Variants in LANCL1 observed in about 807,000 individuals in gnomAD.
LANCL1 encodes the protein glutathione S-transferase LANCL1.
Under a neutral mutation model 50.6 loss-of-function variants are expected in LANCL1, and 50 were observed. The observed-to-expected ratio is 0.99, with a 90% CI of 0.79 to 1.25. The LOEUF (loss-of-function observed/expected upper bound fraction) is 1.25, where lower values mean the gene tolerates loss of function less well. Ranked by LOEUF, LANCL1 falls within the 50% of genes most tolerant of loss-of-function variation. The probability of loss-of-function intolerance (pLI) is 0.00; values close to 1 mark genes in which losing one functional copy is unlikely to be tolerated. For synonymous variants in LANCL1, 188 were observed against 178.6 expected (o/e 1.05, Z -0.42); for missense variants, 532 against 480.7 (o/e 1.11, Z -1.00).
rs1692760273 is a variant in LANCL1, at chr2:210,431,985, C to G, written c.*2502G>C. On this transcript the variant is annotated 3_prime_UTR_variant, in exon 10 of 10. Coordinates refer to ENST00000450366, the MANE Select transcript of LANCL1 (RefSeq NM_006055.3). ...ACCTTTGAAGGTTTTATTACCTAGT[C>G]CCTGTATAGAGATAAGAGATGATGG... 6.6e-6 allele frequency: 1 copy of G among 152,108 alleles called. No individual in the cohort carries two copies. The highest frequency in any genetic ancestry group is 6.6e-5 in the Admixed American group (1 of 15,248). The allele number at this position is 152,108 out of a possible 1,614,324, so 9.4% of individuals were successfully genotyped here. A position where few individuals can be genotyped will look rare whatever the true frequency, so the allele number is the denominator to read the frequency against.
At chr2:210,455,075 A>C in intron 4 of LANCL1, 32 bp downstream of exon 4, 1 of 1,554,832 alleles carries the variant, frequency 6.4e-7, no homozygotes, top group Non-Finnish European at 8.9e-7. Flanking sequence ...TAATGATGCT[A>C]GAAAATAATC....
At chr2:210,435,570 A>T in intron 8 of LANCL1, 111 bp from the exon 9 acceptor site, 4 of 790,566 alleles carry the variant, frequency 5.1e-6, no homozygotes, top group Non-Finnish European at 8.9e-6. Context: ...CTACCTTCAC[A>T]TCAGAGAAAG....
chr2:210,434,921 G>A (rs1432648434), intron 9 of LANCL1, among the ~76,000 whole-genome samples: 6 of 151,932 alleles, frequency 3.9e-5, no homozygotes, highest in African/African-American at 7.3e-5. Flanking sequence ...AATGAAGTGT[G>A]AATCTATCTA....
chr2:210,434,746 C>G (rs1044567267), intron 9 of LANCL1, among the ~76,000 whole-genome samples, 183 bp from the exon 10 acceptor site: 1 of 152,036 alleles, frequency 6.6e-6, no homozygotes, highest in Non-Finnish European at 1.5e-5. Flanking sequence ...GGATCAAGGC[C>G]GCACTGGAGG....
At chr2:210,454,140 T>C (rs1488279706) in intron 4 of LANCL1, among the ~76,000 whole-genome samples, 2 of 151,924 alleles carry the variant, frequency 1.3e-5, no homozygotes, top group Non-Finnish European at 2.9e-5. Context: ...TGTTACACTT[T>C]CCAGTGGAAA....
chr2:210,472,219 T>C (rs1005339260), intron 2 of LANCL1, 143 bp from the exon 3 acceptor site: 3 of 589,112 alleles, frequency 5.1e-6, no homozygotes, highest in African/African-American at 1.9e-5. Flanking sequence ...TATTTTCTAT[T>C]CTTAAACAAC....
At chr2:210,454,973 A>G in intron 4 of LANCL1, 134 bp downstream of exon 4, 1 of 693,588 alleles carries the variant, frequency 1.4e-6, no homozygotes, top group South Asian at 1.9e-5. Flanking sequence ...GGAATATGAC[A>G]ATTGATCAAA....
At position 210,455,125 on chromosome 2, in the gene LANCL1, G is replaced by T. The variant is rs762815697; in HGVS notation, c.389C>A (p.Ala130Glu). Residue 130 changes from alanine to glutamate, a missense_variant, in exon 4 of 10, where the codon GCA (alanine) becomes GAA (glutamate). Transcript: ENST00000450366. ...LYHKMNNEKQ[A>E]EDCITRLIHL... is the part of the protein sequence containing the mutation. The stretch of plus-strand genomic sequence containing the variant: ...TGATTACCGTGTGATGCAATCTTCT[G>T]CCTGCTTCTCATTGTTCATCTTGTG... The T allele has an allele frequency of 4.3e-6, 7 of 1,613,328 alleles. No individual in the cohort carries two copies. Among genetic ancestry groups the T allele is most frequent in the South Asian group, 2.2e-5 (2 of 91,042 alleles).
chr2:210,472,665 T>G (rs1694258000), intron 2 of LANCL1, among the ~76,000 whole-genome samples: 1 of 152,168 alleles, frequency 6.6e-6, no homozygotes, highest in South Asian at 2.1e-4. Context: ...TTCACAAATG[T>G]TTCTCAATGA....
intron 4 of LANCL1, among the ~76,000 whole-genome samples, chr2:210,446,912 T>G (rs1693354022): frequency 6.6e-6 from 1 of 152,112 alleles, no homozygotes; most frequent in Admixed American, 6.5e-5. Context: ...TGCAACCAAG[T>G]TGGAAACACT....
intron 3 of LANCL1, among the ~76,000 whole-genome samples, chr2:210,466,053 G>A (rs1694048106): frequency 6.6e-6 from 1 of 152,224 alleles, no homozygotes; most frequent in South Asian, 2.1e-4. Context: ...CAATCTTTTG[G>A]TTGTACAGGA....
intron 3 of LANCL1, among the ~76,000 whole-genome samples, chr2:210,466,007 C>T (rs1055575857): frequency 2.0e-5 from 3 of 152,154 alleles, no homozygotes; most frequent in Non-Finnish European, 4.4e-5. Flanking sequence ...GCTGCCAACC[C>T]CTTGGTCTTG....
intron 4 of LANCL1, among the ~76,000 whole-genome samples, chr2:210,442,936 G>A (rs1376952061): frequency 3.9e-5 from 6 of 152,216 alleles, no homozygotes; most frequent in African/African-American, 1.4e-4. Context: ...GGGAGCAGGT[G>A]CGAAGACAAG....
At chr2:210,452,824 GA>G (rs1192872182) in intron 4 of LANCL1, among the ~76,000 whole-genome samples, 6 of 152,100 alleles carry the variant, frequency 3.9e-5, no homozygotes, top group Admixed American at 2.0e-4. Flanking sequence ...AAGCTAGCTA[GA>G]ACATGATGTT....
At chr2:210,440,175 G>A in intron 6 of LANCL1, among the ~76,000 whole-genome samples, 1 of 152,178 alleles carries the variant, frequency 6.6e-6, no homozygotes, top group East Asian at 1.9e-4. Context: ...TAGGCAACAA[G>A]TGCTCATTTG....
At chr2:210,437,235 C>T (rs187160241) in intron 7 of LANCL1, among the ~76,000 whole-genome samples, 139 of 152,242 alleles carry the variant, frequency 9.1e-4, no homozygotes, top group African/African-American at 3.2e-3. Context: ...CAAGGTTCAT[C>T]CATGTTGTAA....
intron 4 of LANCL1, among the ~76,000 whole-genome samples, chr2:210,445,274 C>G (rs1693282647): frequency 6.6e-6 from 1 of 152,116 alleles, no homozygotes; most frequent in Non-Finnish European, 1.5e-5. Context: ...GGCATTAACT[C>G]CATTCCTTTT....
intron 2 of LANCL1, among the ~76,000 whole-genome samples, 198 bp from the exon 3 acceptor site, chr2:210,472,274 CAT>C (rs1304336176): frequency 6.6e-6 from 1 of 152,164 alleles, no homozygotes; most frequent in Non-Finnish European, 1.5e-5. Context: ...GTAACTTATA[CAT>C]GTTTTAAATA....
chr2:210,471,489 A>G, intron 3 of LANCL1: 1 of 430,118 alleles, frequency 2.3e-6, no homozygotes, highest in South Asian at 1.7e-5. Flanking sequence ...GGATTAGTTC[A>G]TGGAAGTAAT....
Sources: gnomAD v4.1 joint callset for allele counts (sites outside exome capture counted in the v4.1 genomes callset) on GRCh38, gnomAD v4.1.1 for gene constraint, MANE v1.5 for transcripts, NCBI Gene and HGNC (gene_info 2026-07-23, HGNC 2026-07-21) for gene names.